The following UGT1A9 variants were observed in gnomAD, a reference collection of about 807,000 sequenced individuals.
UGT1A9 encodes the protein UDP-glucuronosyltransferase 1A9.
UGT1A9 carries 35 observed loss-of-function variants against 45.0 expected under a neutral mutation model. The ratio of observed to expected loss-of-function variants is 0.78; its 90% CI spans 0.59 to 1.03. The LOEUF is 1.03. Ranked by LOEUF, UGT1A9 falls within the 50% of genes least tolerant of loss-of-function variation. The pLI is 0.00. For synonymous variants in UGT1A9, 278 were observed against 250.6 expected (o/e 1.11, Z -1.03); for missense variants, 687 against 666.6 (o/e 1.03, Z -0.34).
intron 1 of UGT1A9, chr2:233,748,051 A>C: frequency 6.2e-7 from 1 of 1,613,438 alleles, no homozygotes. Context: ...GGGGGCATCA[A>C]CTGTGCCAAC....
intron 1 of UGT1A9, chr2:233,713,411 C>T: frequency 6.2e-7 from 1 of 1,614,112 alleles, no homozygotes; most frequent in South Asian, 1.1e-5. Context: ...TGATCAGGCA[C>T]CTGCATGCTA....
At position 233,769,432 on chromosome 2, in the gene UGT1A9, C is replaced by T; in HGVS notation, c.1295+993C>T. On this transcript the variant is annotated intron_variant, in intron 4 of 4. Transcript: ENST00000354728. The surrounding 1 kb of genome is among the most constrained non-coding windows in gnomAD (Gnocchi z 4.4). Reference sequence around the variant, plus strand: ...GTGCGTTTGTGCATGTGGCTGTGCTCATGTGTGGGTGCACACGTGTGCATT... The same window carrying T: ...GTGCGTTTGTGCATGTGGCTGTGCTTATGTGTGGGTGCACACGTGTGCATT... 2 of 1,545,990 alleles carry T rather than the reference C, an allele frequency of 1.3e-6. No homozygotes were observed. The highest frequency in any genetic ancestry group is 1.8e-6 in the Non-Finnish European group (2 of 1,125,632).
At chr2:233,766,826 T>G (rs1699252557) in intron 1 of UGT1A9, among the ~76,000 whole-genome samples, 1 of 152,230 alleles carries the variant, frequency 6.6e-6, no homozygotes, top group Non-Finnish European at 1.5e-5. Context: ...AGGATAATTC[T>G]GTAAGCAGGA....
At chr2:233,675,250 C>T (rs757802955) in intron 1 of UGT1A9, among the ~76,000 whole-genome samples, 9 of 152,178 alleles carry the variant, frequency 5.9e-5, no homozygotes, top group Non-Finnish European at 1.0e-4. Context: ...AGGGGACAAA[C>T]TTCTAAACTA....
At chr2:233,721,816 C>A (rs1463155812) in intron 1 of UGT1A9, 4 of 516,128 alleles carry the variant, frequency 7.8e-6, no homozygotes, top group Non-Finnish European at 1.6e-5. Context: ...AAATCCAGCA[C>A]CCTATTTGGG....
intron 1 of UGT1A9, among the ~76,000 whole-genome samples, chr2:233,673,563 A>C (rs569309785): frequency 9.9e-5 from 15 of 151,916 alleles, no homozygotes; most frequent in Admixed American, 9.2e-4. Context: ...TTTTTTTGCT[A>C]TTGTGTCTTC....
At chr2:233,686,995 T>A (rs2074816437) in intron 1 of UGT1A9, among the ~76,000 whole-genome samples, 1 of 152,180 alleles carries the variant, frequency 6.6e-6, no homozygotes, top group South Asian at 2.1e-4. Flanking sequence ...AAGTCTTGGT[T>A]TCAACACTAG....
At chr2:233,679,147 G>T (rs148218063) in intron 1 of UGT1A9, among the ~76,000 whole-genome samples, 90 of 152,284 alleles carry the variant, frequency 5.9e-4, no homozygotes, top group African/African-American at 2.1e-3. Context: ...GACTGAATTA[G>T]AGATGTTGGG....
intron 1 of UGT1A9, among the ~76,000 whole-genome samples, chr2:233,697,697 G>T (rs192103056): frequency 1.3e-5 from 2 of 152,056 alleles, no homozygotes; most frequent in Non-Finnish European, 2.9e-5. Context: ...CTTTTTGGAT[G>T]TAGGCATTTA....
At chr2:233,719,218 A>C (rs1197156994) in intron 1 of UGT1A9, 2 of 1,614,132 alleles carry the variant, frequency 1.2e-6, no homozygotes, top group Non-Finnish European at 1.7e-6. Context: ...GAGCTACTGC[A>C]TAATGAGGCC....
intron 1 of UGT1A9, chr2:233,753,711 A>G (rs577048191): frequency 6.6e-6 from 1 of 152,346 alleles, no homozygotes; most frequent in East Asian, 1.9e-4. Context: ...GGCTTTCATC[A>G]ACCTAATTTG....
chr2:233,718,389 G>C (rs2125660033), intron 1 of UGT1A9, among the ~76,000 whole-genome samples: 1 of 152,356 alleles, frequency 6.6e-6, no homozygotes, highest in South Asian at 2.1e-4. Flanking sequence ...AGTTTCAAGG[G>C]TTAGCAAATA....
chr2:233,772,315 A>T lies in UGT1A9; in HGVS notation c.1349A>T (p.Glu450Val). The change falls in exon 5 of 5, where the codon GAG becomes GTG. Residue 450 changes from glutamate to valine, a missense_variant. Physicochemically the swap from Glu to Val is moderately radical, Grantham distance 121. Transcript: ENST00000354728. ...AGCCTTCACAAGGACCGCCCGGTGG[A>T]GCCGCTGGACCTGGCCGTGTTCTGG... ...LSSLHKDRPV[E>V]PLDLAVFWVE... is the part of the protein sequence containing the mutation. 1 of 1,614,114 alleles carries T rather than the reference A, an allele frequency of 6.2e-7. No individual in the cohort carries two copies. The highest frequency in any genetic ancestry group is 8.5e-7 in the Non-Finnish European group (1 of 1,180,032).
chr2:233,691,223 G>A, intron 1 of UGT1A9: 2 of 985,518 alleles, frequency 2.0e-6, no homozygotes, highest in South Asian at 4.7e-5. Context: ...AACCTTCCTG[G>A]AGTCTTATTG....
chr2:233,746,329 G>C (rs1693363946), intron 1 of UGT1A9, among the ~76,000 whole-genome samples: 1 of 151,754 alleles, frequency 6.6e-6, no homozygotes, highest in Admixed American at 6.5e-5. Context: ...GATCTACAGG[G>C]CAATGGACAT....
intron 1 of UGT1A9, among the ~76,000 whole-genome samples, chr2:233,730,748 G>C (rs2078070259): frequency 6.6e-6 from 1 of 152,108 alleles, no homozygotes; most frequent in Non-Finnish European, 1.5e-5. Flanking sequence ...CTAGGGAGGA[G>C]ATAAGACTGT....
chr2:233,747,249 G>A (rs1310551227), intron 1 of UGT1A9: 19 of 1,600,704 alleles, frequency 1.2e-5, no homozygotes, highest in Non-Finnish European at 1.6e-5. Flanking sequence ...TGCTGTGGCT[G>A]GCCACAGGAG....
At chr2:233,757,560 A>ATATATATATATATATG (rs904896556) in intron 1 of UGT1A9, among the ~76,000 whole-genome samples, 35 of 123,152 alleles carry the variant, frequency 2.8e-4, no homozygotes, top group African/African-American at 1.1e-3. Context: ...ATATATATAT[A>ATATATATATATATATG]TGTATATATG....
rs1208281269 is a variant in UGT1A9 at position 233,769,345 on chromosome 2, G to C, written c.1295+906G>C. Among the ~76,000 whole-genome samples, 1 of 152,210 alleles carries C rather than the reference G, an allele frequency of 6.6e-6. No individual in the cohort carries two copies. The highest frequency in any genetic ancestry group is 1.5e-5 in the Non-Finnish European group (1 of 68,032). On this transcript the variant is annotated intron_variant, in intron 4 of 4. Coordinates refer to ENST00000354728, the MANE Select transcript of UGT1A9 (RefSeq NM_021027.3). This position sits in a 1 kb window ranked among gnomAD's most constrained non-coding sequence, Gnocchi z 4.4. ...GTAATAGGCTTATTAGAACCTTATG[G>C]GAAGAAGTGGTGGCCAGTGGTAGAT...
Sources: allele counts gnomAD v4.1 joint callset (sites outside exome capture counted in the v4.1 genomes callset), GRCh38; gene constraint gnomAD v4.1.1; non-coding constraint Gnocchi (gnomAD v3.1); transcripts MANE v1.5; gene names NCBI Gene and HGNC (gene_info 2026-07-23, HGNC 2026-07-21).